CNTN5: variants seen among roughly 807,000 people sequenced by gnomAD.
CNTN5 encodes the protein contactin 5.
CNTN5 carries 77 observed loss-of-function variants against 129.1 expected under a neutral mutation model. The ratio of observed to expected loss-of-function variants is 0.60; its 90% CI spans 0.50 to 0.72. The LOEUF (loss-of-function observed/expected upper bound fraction) is 0.72. Ranked by LOEUF, CNTN5 falls within the 30% of genes least tolerant of loss-of-function variation. CNTN5 has a pLI of 0.00. For synonymous variants in CNTN5, 509 were observed against 465.6 expected, an observed-to-expected ratio of 1.09 and a Z score of -1.20; for missense variants, 1,478 against 1,328.8, an observed-to-expected ratio of 1.11 and a Z score of -1.75.
intron 3 of CNTN5, among the ~76,000 whole-genome samples, chr11:99,727,424 T>C (rs1006313644): frequency 6.6e-6 from 1 of 151,880 alleles, no homozygotes; most frequent in African/African-American, 2.4e-5. Context: ...AAAATCTCTT[T>C]TGTTTCTGAT....
intron 1 of CNTN5, among the ~76,000 whole-genome samples, chr11:99,032,141 C>G (rs61891083): frequency 0.01 from 1,533 of 152,058 alleles, 13 homozygotes; most frequent in South Asian, 0.022. Flanking sequence ...GTATATGTGC[C>G]ACATTTTCTT....
chr11:99,306,718 A>G (rs984381341), intron 1 of CNTN5, among the ~76,000 whole-genome samples: 1 of 149,964 alleles, frequency 6.7e-6, no homozygotes, highest in African/African-American at 2.5e-5. Context: ...TGGGCGACAG[A>G]GCAAGACTCC....
At chr11:100,070,256 A>C in intron 10 of CNTN5, 168 bp from the exon 11 acceptor site, 1 of 521,000 alleles carries the variant, frequency 1.9e-6, no homozygotes, top group Non-Finnish European at 3.2e-6. Context: ...TTTTGGGGGT[A>C]CAGGAAATAG....
intron 1 of CNTN5, among the ~76,000 whole-genome samples, chr11:99,105,680 A>G (rs1866962642): frequency 6.6e-6 from 1 of 152,202 alleles, no homozygotes; most frequent in Non-Finnish European, 1.5e-5. Context: ...ATGGGCAGTC[A>G]AGAGCCCACT....
intron 3 of CNTN5, among the ~76,000 whole-genome samples, chr11:99,687,003 T>C (rs1953820822): frequency 6.6e-6 from 1 of 152,136 alleles, no homozygotes; most frequent in African/African-American, 2.4e-5. Flanking sequence ...GAAACTGAGT[T>C]CTCAGAAACC....
intron 8 of CNTN5, among the ~76,000 whole-genome samples, chr11:99,980,813 C>T (rs1316640109): frequency 6.6e-6 from 1 of 151,672 alleles, no homozygotes; most frequent in Non-Finnish European, 1.5e-5. Context: ...AAAATTGATT[C>T]TTTTATGAAA....
At chr11:99,625,540 C>T (rs651447) in intron 3 of CNTN5, among the ~76,000 whole-genome samples, 90,381 of 151,754 alleles carry the variant, frequency 0.6, 28,102 homozygotes, top group Admixed American at 0.73. Flanking sequence ...ATTGTAACAA[C>T]TGTACCAAAG....
intron 15 of CNTN5, among the ~76,000 whole-genome samples, chr11:100,211,801 A>C (rs1949039299): frequency 6.6e-6 from 1 of 152,166 alleles, no homozygotes; most frequent in African/African-American, 2.4e-5. Context: ...TAAATTTTTA[A>C]AAGTTTATTG....
chr11:99,101,017 G>C (rs1226873297), intron 1 of CNTN5, among the ~76,000 whole-genome samples: 1 of 152,148 alleles, frequency 6.6e-6, no homozygotes, highest in Admixed American at 6.5e-5. Context: ...AAGAAAAAGA[G>C]GTTTAATGGA....
intron 3 of CNTN5, among the ~76,000 whole-genome samples, chr11:99,572,926 T>C (rs1048402466): frequency 5.3e-5 from 8 of 152,054 alleles, no homozygotes; most frequent in Admixed American, 6.6e-5. Context: ...GTGTTTGATG[T>C]TTTGAGCCAG....
chr11:99,179,546 G>A (rs1445647236), intron 1 of CNTN5, among the ~76,000 whole-genome samples: 1 of 152,074 alleles, frequency 6.6e-6, no homozygotes, highest in African/African-American at 2.4e-5. Flanking sequence ...TATTTCTAAA[G>A]AGTTAATGTA....
chr11:99,463,304 G>A (rs1277554876), intron 2 of CNTN5, among the ~76,000 whole-genome samples: 1 of 150,728 alleles, frequency 6.6e-6, no homozygotes, highest in African/African-American at 2.4e-5. Context: ...TGGGCGTGGT[G>A]GCGGGCGCCT....
In CNTN5 at chr11:99,643,526, T is replaced by C. The variant is rs185321017; in HGVS notation, c.55+87257T>C. 3.9e-5 allele frequency among the ~76,000 whole-genome samples: 6 copies of C among 152,312 alleles called. No individual in the cohort carries two copies. The East Asian group carries it at 1.2e-3, about 29-fold the overall frequency. ...ATACTTATCTCATAGGTTTGTTGAG[T>C]ATTATATGAGTGAATGTACATATAT... On this transcript the variant is annotated intron_variant, in intron 3 of 24. Transcript: ENST00000524871.
rs1952525231 is a variant in CNTN5, at chr11:100,356,363, T to G, written c.*143T>G. 1.6e-6 allele frequency: 1 copy of G among 637,274 alleles called. No homozygotes were observed. The highest frequency in any genetic ancestry group is 1.8e-5 in the African/African-American group (1 of 54,398). The allele number at this position is 637,274 out of a possible 1,614,324, so 39.5% of individuals were successfully genotyped here. ...TATACATGGTGAACTTACAGGAGGT[T>G]AGGGGGGAAATATTACTTATCCATC... On this transcript the variant is annotated 3_prime_UTR_variant, in exon 25 of 25. Transcript: ENST00000524871.
At chr11:99,252,364 A>T (rs12294323) in intron 1 of CNTN5, among the ~76,000 whole-genome samples, 2 of 151,894 alleles carry the variant, frequency 1.3e-5, no homozygotes, top group Non-Finnish European at 2.9e-5. Flanking sequence ...ACACAAAAAA[A>T]CCCCAAAATC....
chr11:99,720,644 C>A (rs1205047248), intron 3 of CNTN5, among the ~76,000 whole-genome samples: 1 of 151,882 alleles, frequency 6.6e-6, no homozygotes, highest in African/African-American at 2.4e-5. Flanking sequence ...TATTGGACAT[C>A]CTAGACAGAT....
intron 1 of CNTN5, among the ~76,000 whole-genome samples, chr11:99,125,691 A>T (rs938470356): frequency 5.3e-5 from 8 of 152,172 alleles, no homozygotes; most frequent in African/African-American, 1.9e-4. Context: ...TATCAATTTC[A>T]ATTTTGAAAT....
At chr11:99,728,302 T>C (rs1371477811) in intron 3 of CNTN5, among the ~76,000 whole-genome samples, 1 of 152,148 alleles carries the variant, frequency 6.6e-6, no homozygotes, top group African/African-American at 2.4e-5. Context: ...TTTTAAAGGA[T>C]AAATCTTAAG....
At chr11:99,686,367 A>T (rs1953794124) in intron 3 of CNTN5, among the ~76,000 whole-genome samples, 1 of 151,544 alleles carries the variant, frequency 6.6e-6, no homozygotes, top group South Asian at 2.1e-4. Flanking sequence ...TTTATTTTGA[A>T]TTTTTTTCTG....
Sources: gnomAD v4.1 joint callset for allele counts (sites outside exome capture counted in the v4.1 genomes callset) on GRCh38, gnomAD v4.1.1 for gene constraint, MANE v1.5 for transcripts, NCBI Gene and HGNC (gene_info 2026-07-23, HGNC 2026-07-21) for gene names.